APC: variants seen among roughly 807,000 people sequenced by gnomAD.
APC encodes the protein adenomatous polyposis coli protein.
A neutral mutation model predicts 247.0 loss-of-function variants in APC; 72 were observed. The ratio of observed to expected loss-of-function variants is 0.29; its 90% CI spans 0.24 to 0.35. The LOEUF (loss-of-function observed/expected upper bound fraction) is 0.35. Ranked by LOEUF, APC falls within the 10% of genes least tolerant of loss-of-function variation. The pLI is 1.00. For missense variants in APC, 3,400 were observed against 3,360.7 expected (o/e 1.01, Z -0.29); for synonymous variants, 1,254 against 1,162.5 (o/e 1.08, Z -1.60).
intron 9 of APC, among the ~76,000 whole-genome samples, chr5:112,817,366 A>G (rs1357688257): frequency 6.6e-6 from 1 of 152,210 alleles, no homozygotes; most frequent in East Asian, 1.9e-4. Flanking sequence ...TGATTTTAGA[A>G]TAATCAATGA....
At chr5:112,771,002 A>G (rs1242455685) in intron 4 of APC, among the ~76,000 whole-genome samples, 1 of 152,066 alleles carries the variant, frequency 6.6e-6, no homozygotes, top group Non-Finnish European at 1.5e-5. Context: ...ATCATACTAT[A>G]TATATTTAAG....
intron 1 of APC, among the ~76,000 whole-genome samples, chr5:112,719,070 A>G (rs1320698485): frequency 6.6e-6 from 1 of 152,222 alleles, no homozygotes; most frequent in Non-Finnish European, 1.5e-5. Context: ...GAATTATGTA[A>G]GCAAATAGAA....
Position 112,721,239 on chromosome 5 carries a change from C to T in APC, c.165+13357C>T, listed in dbSNP as rs550202029. Among the ~76,000 whole-genome samples, 318 of 152,156 alleles carry T rather than the reference C, an allele frequency of 2.1e-3. 2 individuals are homozygous for T. Among genetic ancestry groups the T allele is most frequent in the African/African-American group, 7.3e-3 (305 of 41,518 alleles). On this transcript the variant is annotated intron_variant, in intron 1 of 13. Coordinates refer to the APC transcript ENST00000507379. ...GACCAGCCTGGCCAACATAGTGAAACTCCATCTCTAGTAAAAATACAAAAA... is the reference window on the plus strand; with the variant it reads ...GACCAGCCTGGCCAACATAGTGAAATTCCATCTCTAGTAAAAATACAAAAA...
intron 1 of APC, among the ~76,000 whole-genome samples, chr5:112,751,582 G>A (rs945473757): frequency 2.0e-5 from 3 of 151,556 alleles, no homozygotes; most frequent in Admixed American, 1.3e-4. Context: ...ATTGTAAATG[G>A]GATCTTTTCT....
intron 1 of APC, among the ~76,000 whole-genome samples, chr5:112,717,413 A>G (rs1038952469): frequency 3.3e-5 from 5 of 152,056 alleles, no homozygotes; most frequent in Non-Finnish European, 5.9e-5. Context: ...TGTCTTTACC[A>G]TCTTTTTACT....
rs2149993527 is a variant in APC at position 112,843,365 on chromosome 5, CAT to C, written c.7772_7773del (p.His2591ArgfsTer11). On this transcript the variant is annotated frameshift_variant, in exon 16 of 16. Coordinates refer to ENST00000257430, the MANE Select transcript of APC (RefSeq NM_000038.6). LOFTEE classifies it high-confidence loss of function. This position sits in a 1 kb window ranked among gnomAD's most constrained non-coding sequence, Gnocchi z 4.8. Reference sequence around the variant, plus strand: ...AAAAGCAAAAAGTGAGGATGAAAAACATGTGAACTCTATTTCAGGAACCAAAC... The same window carrying C: ...AAAAGCAAAAAGTGAGGATGAAAAACGTGAACTCTATTTCAGGAACCAAAC... ...SEKAKSEDEKHVNSISGTKQS... is the reference protein window; with the variant it reads ...SEKAKSEDEKXVNSISGTKQS... 6.2e-7 allele frequency: 1 copy of C among 1,613,834 alleles called. No individual in the cohort carries two copies. The highest frequency in any genetic ancestry group is 8.5e-7 in the Non-Finnish European group (1 of 1,179,826).
chr5:112,768,069 G>A (rs2149792153), intron 4 of APC, among the ~76,000 whole-genome samples: 1 of 143,958 alleles, frequency 6.9e-6, no homozygotes, highest in Admixed American at 7.0e-5. Flanking sequence ...TTGAGATGCA[G>A]TTTCACTTTT....
At chr5:112,793,328 A>G (rs1023889292) in intron 7 of APC, among the ~76,000 whole-genome samples, 4 of 152,150 alleles carry the variant, frequency 2.6e-5, no homozygotes, top group Non-Finnish European at 5.9e-5. Context: ...TTACCTACTG[A>G]ATGCTGAAAC....
chr5:112,806,304 C>G (rs1160508488), intron 8 of APC, among the ~76,000 whole-genome samples: 1 of 152,166 alleles, frequency 6.6e-6, no homozygotes, highest in African/African-American at 2.4e-5. Flanking sequence ...AGACTGTAAG[C>G]TCCAGAAAGG....
chr5:112,728,404 A>G (rs943327295), intron 1 of APC, among the ~76,000 whole-genome samples: 2 of 152,090 alleles, frequency 1.3e-5, no homozygotes, highest in African/African-American at 4.8e-5. Context: ...AGTGCTGGGA[A>G]TACAGGCGTG....
intron 15 of APC, among the ~76,000 whole-genome samples, chr5:112,836,686 C>T (rs1489434233): frequency 1.3e-5 from 2 of 152,110 alleles, no homozygotes; most frequent in African/African-American, 2.4e-5. Context: ...ACACAGTCTG[C>T]CAAAGAGCAG....
intron 1 of APC, chr5:112,738,458 C>G (rs1752592157): frequency 1.0e-6 from 1 of 985,720 alleles, no homozygotes; most frequent in African/African-American, 1.7e-5. Flanking sequence ...GAGGAGGAGG[C>G]AGGTACTGCA....
chr5:112,773,888 T>C (rs1309012834), intron 4 of APC, among the ~76,000 whole-genome samples: 1 of 152,066 alleles, frequency 6.6e-6, no homozygotes, highest in Non-Finnish European at 1.5e-5. Context: ...GTAAGAGAAA[T>C]CAAATTAAAA....
chr5:112,717,177 A>AT (rs2034331894), intron 1 of APC, among the ~76,000 whole-genome samples: 1 of 151,840 alleles, frequency 6.6e-6, no homozygotes, highest in Non-Finnish European at 1.5e-5. Flanking sequence ...CGCCTGCCTA[A>AT]TTTTTTTGTA....
intron 1 of APC, among the ~76,000 whole-genome samples, chr5:112,752,372 T>C (rs1272944804): frequency 1.3e-5 from 2 of 152,210 alleles, no homozygotes; most frequent in Non-Finnish European, 2.9e-5. Context: ...TTCCTTGCTT[T>C]AATTTCTTAC....
chr5:112,835,308 AGTTT>A, intron 15 of APC, 143 bp downstream of exon 15: 2 of 759,098 alleles, frequency 2.6e-6, no homozygotes, highest in Admixed American at 4.6e-5. Flanking sequence ...ACTAACTCTT[AGTTT>A]AACTCATTAG....
chr5:112,836,971 G>T (rs1185107734), intron 15 of APC, among the ~76,000 whole-genome samples: 1 of 152,198 alleles, frequency 6.6e-6, no homozygotes, highest in Non-Finnish European at 1.5e-5. Context: ...AAAGTGCTGG[G>T]ATTACAGGCA....
At chr5:112,738,442 G>C (rs903832758) in intron 1 of APC, 21 of 985,790 alleles carry the variant, frequency 2.1e-5, no homozygotes, top group Non-Finnish European at 2.5e-5. Context: ...CTGGGGATGA[G>C]AGAAAGAGGA....
At chr5:112,771,907 T>C (rs147039697) in intron 4 of APC, among the ~76,000 whole-genome samples, 1,646 of 152,292 alleles carry the variant, frequency 0.011, 23 homozygotes, top group Non-Finnish European at 0.013. Context: ...CTTGTAGCTT[T>C]ATAAGCTGGG....
Sources: gnomAD v4.1 joint callset for allele counts (sites outside exome capture counted in the v4.1 genomes callset) on GRCh38, gnomAD v4.1.1 for gene constraint, Gnocchi (gnomAD v3.1) non-coding constraint, MANE v1.5 for transcripts, NCBI Gene and HGNC (gene_info 2026-07-23, HGNC 2026-07-21) for gene names.